The following IRAK3 variants were observed in gnomAD, a reference collection of about 807,000 sequenced individuals.
IRAK3 encodes interleukin-1 receptor-associated kinase 3.
Under a neutral mutation model 56.6 loss-of-function variants are expected in IRAK3, and 57 were observed. The ratio of observed to expected loss-of-function variants is 1.01; its 90% CI spans 0.81 to 1.26. The LOEUF is 1.26. IRAK3 is among the 50% of genes most tolerant of loss of function. IRAK3 has a pLI of 0.00. For synonymous variants in IRAK3, 258 were observed against 255.7 expected, an observed-to-expected ratio of 1.01 and a Z score of -0.09; for missense variants, 703 against 719.0, an observed-to-expected ratio of 0.98 and a Z score of 0.25.
intron 8 of IRAK3, among the ~76,000 whole-genome samples, chr12:66,229,545 T>A (rs1187145156): frequency 6.6e-6 from 1 of 152,198 alleles, no homozygotes; most frequent in East Asian, 1.9e-4. Context: ...AGGAAAAGAC[T>A]CTAGGTTTTA....
At chr12:66,204,196 T>G (rs1326485712) in intron 2 of IRAK3, among the ~76,000 whole-genome samples, 1 of 151,788 alleles carries the variant, frequency 6.6e-6, no homozygotes, top group Non-Finnish European at 1.5e-5. Context: ...TAGAATCAGC[T>G]CTCTGTCAAA....
chr12:66,213,073 A>C (rs182148321), intron 5 of IRAK3, among the ~76,000 whole-genome samples: 81 of 152,306 alleles, frequency 5.3e-4, no homozygotes, highest in African/African-American at 1.9e-3. Flanking sequence ...AAAGAAAAAA[A>C]AAGAAAAAGA....
In IRAK3 at chr12:66,251,510, T is replaced by C. The variant is rs1401356211; in HGVS notation, c.*3339T>C. The C allele has an allele frequency of 1.3e-5, 2 of 152,242 alleles. No individual in the cohort carries two copies. The highest frequency in any genetic ancestry group is 2.9e-5 in the Non-Finnish European group (2 of 68,032). 9.4% of individuals were successfully genotyped at this position (152,242 alleles called of 1,614,324 possible). ...TCTGAGCAATCCTCCAGGCAGATCC[T>C]ATTTACTAAGCTTCAGGCTTTTGTC... On this transcript the variant is annotated 3_prime_UTR_variant, in exon 12 of 12. Transcript: ENST00000261233.
intron 1 of IRAK3, among the ~76,000 whole-genome samples, chr12:66,192,073 A>G (rs1592571586): frequency 6.6e-6 from 1 of 152,308 alleles, no homozygotes; most frequent in East Asian, 1.9e-4. Context: ...CTGATTCAGG[A>G]AGTCTGGGTT....
At chr12:66,233,668 AAC>A (rs1491563360) in intron 8 of IRAK3, among the ~76,000 whole-genome samples, 3 of 151,994 alleles carry the variant, frequency 2.0e-5, no homozygotes, top group Non-Finnish European at 2.9e-5. Context: ...GGAAAAAAAA[AAC>A]ACAGATTAAA....
intron 8 of IRAK3, among the ~76,000 whole-genome samples, chr12:66,229,215 A>G (rs2052819417): frequency 6.6e-6 from 1 of 152,232 alleles, no homozygotes. Context: ...CAAGCTGAGC[A>G]GCAACCCCAA....
intron 11 of IRAK3, among the ~76,000 whole-genome samples, chr12:66,245,600 C>CAATCTT (rs71096084): frequency 3.3e-5 from 1 of 30,266 alleles, no homozygotes; most frequent in African/African-American, 1.1e-4. Context: ...TGCAGTGGCA[C>CAATCTT]GGCCCACTGC....
intron 8 of IRAK3, chr12:66,234,687 C>T: frequency 6.2e-7 from 1 of 1,608,904 alleles, no homozygotes; most frequent in Non-Finnish European, 8.5e-7. Context: ...ATAAATTTTC[C>T]ATTAAAATGA....
intron 4 of IRAK3, among the ~76,000 whole-genome samples, 174 bp from the exon 5 acceptor site, chr12:66,211,272 A>T (rs998321392): frequency 1.3e-5 from 2 of 152,196 alleles, no homozygotes; most frequent in Non-Finnish European, 2.9e-5. Context: ...GAATGGTGGG[A>T]ACTAGATCCA....
Position 66,209,998 on chromosome 12 carries a change from A to G in IRAK3, c.382-149A>G. On this transcript the variant is annotated intron_variant, in intron 3 of 11. Coordinates refer to ENST00000261233, the MANE Select transcript of IRAK3 (RefSeq NM_007199.3). ...CAATGAATGCTATTAAATAAAGTGA[A>G]ATAACTTTGATTTCTGCTAGCTTTC... The G allele has an allele frequency of 1.1e-5, 7 of 608,724 alleles. No individual in the cohort carries two copies. In the South Asian group the frequency reaches 1.5e-4, roughly 13 times the overall value. The allele number at this position is 608,724 out of a possible 1,614,324, so 37.7% of individuals were successfully genotyped here. A position where few individuals can be genotyped will look rare whatever the true frequency, so the allele number is the denominator to read the frequency against.
At position 66,197,162 on chromosome 12, in the gene IRAK3, T is replaced by C; in HGVS notation, c.134-6549T>C. On this transcript the variant is annotated intron_variant, in intron 1 of 11. Coordinates refer to ENST00000261233, the MANE Select transcript of IRAK3 (RefSeq NM_007199.3). ...CAATACGACTTTCAACAAAGATTTG[T>C]GTTCCAAAAAATGGTTTTAAACAAT... The C allele has an allele frequency of 2.3e-6, 3 of 1,283,350 alleles. No homozygotes were observed. In the South Asian group the frequency reaches 8.4e-5, roughly 36 times the overall value. The allele number at this position is 1,283,350 out of a possible 1,614,324, so 79.5% of individuals were successfully genotyped here.
At chr12:66,209,075 A>G (rs1190125443) in intron 2 of IRAK3, among the ~76,000 whole-genome samples, 3 of 151,564 alleles carry the variant, frequency 2.0e-5, no homozygotes, top group Non-Finnish European at 4.4e-5. Context: ...CATCTCAAAA[A>G]AAAAAAAAAA....
intron 8 of IRAK3, among the ~76,000 whole-genome samples, chr12:66,239,149 A>G: frequency 6.6e-6 from 1 of 152,188 alleles, no homozygotes; most frequent in East Asian, 1.9e-4. Context: ...AAGCAAAGAG[A>G]TAATCTTGGT....
intron 1 of IRAK3, among the ~76,000 whole-genome samples, chr12:66,196,022 TTTC>T (rs2052449505): frequency 6.6e-6 from 1 of 152,106 alleles, no homozygotes; most frequent in Non-Finnish European, 1.5e-5. Flanking sequence ...CCACTTTATT[TTTC>T]TCTATATCAT....
At chr12:66,244,266 G>C (rs183210579) in intron 8 of IRAK3, among the ~76,000 whole-genome samples, 1 of 152,200 alleles carries the variant, frequency 6.6e-6, no homozygotes, top group Non-Finnish European at 1.5e-5. Context: ...AATGCCCACT[G>C]TTCATAGGTC....
At chr12:66,207,975 C>T (rs1394742338) in intron 2 of IRAK3, among the ~76,000 whole-genome samples, 1 of 152,080 alleles carries the variant, frequency 6.6e-6, no homozygotes, top group Non-Finnish European at 1.5e-5. Context: ...TCAATTTATA[C>T]TTGAGAAATA....
rs563980583 is a variant in IRAK3, at chr12:66,206,938, G to A, written c.317-2518G>A. ...TTGCTTGAGTTAGTTTCAATAGTTT[G>A]TGTCTTCCTAGAAACCTGTCCATGT... is the stretch of plus-strand genomic sequence containing the variant. On this transcript the variant is annotated intron_variant, in intron 2 of 11. Transcript: ENST00000261233. 5.9e-5 allele frequency among the ~76,000 whole-genome samples: 9 copies of A among 152,170 alleles called. No individual in the cohort carries two copies. In the South Asian group the frequency reaches 1.9e-3, roughly 32 times the overall value.
chr12:66,233,101 C>T (rs1382243424), intron 8 of IRAK3, among the ~76,000 whole-genome samples: 1 of 152,058 alleles, frequency 6.6e-6, no homozygotes, highest in African/African-American at 2.4e-5. Flanking sequence ...AATAGACCAG[C>T]TCATCTGGTC....
intron 5 of IRAK3, among the ~76,000 whole-genome samples, chr12:66,216,390 C>T (rs1221258072): frequency 6.6e-6 from 1 of 152,116 alleles, no homozygotes. Flanking sequence ...TTCCAAAATT[C>T]CTGTTGAATT....
Sources: allele counts gnomAD v4.1 joint callset (sites outside exome capture counted in the v4.1 genomes callset), GRCh38; gene constraint gnomAD v4.1.1; transcripts MANE v1.5; gene names NCBI Gene and HGNC (gene_info 2026-07-23, HGNC 2026-07-21).